The following DNAI1 variants were observed in gnomAD, a reference collection of about 807,000 sequenced individuals.
The protein encoded by DNAI1 is dynein axonemal intermediate chain 1.
DNAI1 carries 67 observed loss-of-function variants against 92.0 expected under a neutral mutation model. The ratio of observed to expected loss-of-function variants is 0.73; its 90% CI spans 0.60 to 0.89. The LOEUF is 0.89. DNAI1 is among the 40% of genes least tolerant of loss of function. The pLI, the probability that DNAI1 is intolerant of heterozygous loss-of-function variation, is 0.00. For synonymous variants in DNAI1, 323 were observed against 319.6 expected, an observed-to-expected ratio of 1.01 and a Z score of -0.11; for missense variants, 839 against 866.6, an observed-to-expected ratio of 0.97 and a Z score of 0.40.
chr9:34,468,187 C>CT lies in DNAI1; in HGVS notation c.48+9146dup, dbSNP rs35471260. The stretch of plus-strand genomic sequence containing the variant: ...ATCTGAAGAACAGAGAGGAAGAAGG[C>CT]TTTTTTTTTTTTGAGATGGCGTCTC... On this transcript the variant is annotated intron_variant, in intron 1 of 19. Coordinates refer to ENST00000242317, the MANE Select transcript of DNAI1 (RefSeq NM_012144.4). Among the ~76,000 whole-genome samples the CT allele has an allele frequency of 1.3e-3, 184 of 144,562 alleles. 1 individual carries two copies. Among genetic ancestry groups the CT allele is most frequent in the Middle Eastern group, 7.0e-3 (2 of 284 alleles). 94.8% of individuals were successfully genotyped at this position (144,562 alleles called of 152,430 possible).
At chr9:34,493,168 A>T in intron 8 of DNAI1, 26 bp from the exon 9 acceptor site, 1 of 1,614,154 alleles carries the variant, frequency 6.2e-7, no homozygotes, top group Non-Finnish European at 8.5e-7. Context: ...CCTTACAATG[A>T]TCCTTCTTAT....
At position 34,460,931 on chromosome 9, in the gene DNAI1, C is replaced by G. The variant is rs1823941029; in HGVS notation, c.48+1878C>G. 2.0e-5 allele frequency among the ~76,000 whole-genome samples: 3 copies of G among 152,118 alleles called. No homozygotes were observed. The South Asian group carries it at 6.2e-4, about 32-fold the overall frequency. On this transcript the variant is annotated intron_variant, in intron 1 of 19. Transcript: ENST00000242317. ...TCTTGGCTCACTGCAAGCTCCGCCT[C>G]CTGGGTTCACGTCATTCTCCTGCCT...
intron 4 of DNAI1, among the ~76,000 whole-genome samples, chr9:34,485,803 T>G (rs1340607968): frequency 6.6e-6 from 1 of 152,224 alleles, no homozygotes; most frequent in Admixed American, 6.5e-5. Context: ...TTTTCTGATA[T>G]ATGTAACACA....
intron 2 of DNAI1, 156 bp from the exon 3 acceptor site, chr9:34,484,986 T>G: frequency 1.4e-6 from 1 of 730,324 alleles, no homozygotes; most frequent in African/African-American, 1.7e-5. Context: ...GAGCAGTTCT[T>G]TTGGACTCTT....
Position 34,510,957 on chromosome 9 carries a change from C to T in DNAI1, c.1312-1152C>T, listed in dbSNP as rs902492991. Among the ~76,000 whole-genome samples, 4 of 152,234 alleles carry T rather than the reference C, an allele frequency of 2.6e-5. No homozygotes were observed. The East Asian group carries it at 7.7e-4, about 29-fold the overall frequency. ...GACTCAGCCCGCCCTCCTGAAGCTC[C>T]GATCCACCAGGCCTCAGGCTGGCTG... On this transcript the variant is annotated intron_variant, in intron 13 of 19. Coordinates refer to ENST00000242317, the MANE Select transcript of DNAI1 (RefSeq NM_012144.4).
intron 1 of DNAI1, among the ~76,000 whole-genome samples, chr9:34,475,072 T>G (rs925059891): frequency 6.6e-6 from 1 of 152,246 alleles, no homozygotes; most frequent in South Asian, 2.1e-4. Context: ...TAAACACTTA[T>G]TGAGTGCCTT....
chr9:34,518,595 AAGG>A (rs1449543534), intron 19 of DNAI1, among the ~76,000 whole-genome samples: 3 of 152,240 alleles, frequency 2.0e-5, no homozygotes, highest in Non-Finnish European at 4.4e-5. Flanking sequence ...AGTTGGCCTC[AAGG>A]AGGAGGAAGG....
rs1554688186 is a variant in DNAI1, at chr9:34,492,493, G to GATAGATAT, written c.682-698_682-697insGATATATA. Among the ~76,000 whole-genome samples, 198 of 68,252 alleles carry GATAGATAT rather than the reference G, an allele frequency of 2.9e-3. 11 individuals carry two copies. The highest frequency in any genetic ancestry group is 8.8e-3 in the Middle Eastern group (1 of 114). 44.8% of individuals were successfully genotyped at this position (68,252 alleles called of 152,430 possible). A position where few individuals can be genotyped will look rare whatever the true frequency, so the allele number is the denominator to read the frequency against. ...TCCGGGGTGGGGGTGGGGATATGAA[G>GATAGATAT]ATATATATATATATATATATATATA... On this transcript the variant is annotated intron_variant, in intron 8 of 19. Coordinates refer to ENST00000242317, the MANE Select transcript of DNAI1 (RefSeq NM_012144.4).
intron 19 of DNAI1, among the ~76,000 whole-genome samples, 158 bp downstream of exon 19, chr9:34,517,625 G>A (rs948873157): frequency 2.0e-5 from 3 of 152,228 alleles, no homozygotes; most frequent in Non-Finnish European, 4.4e-5. Context: ...AGTAGAAGCA[G>A]GTTTGTGAGA....
At chr9:34,470,234 T>C (rs1824112576) in intron 1 of DNAI1, among the ~76,000 whole-genome samples, 1 of 151,560 alleles carries the variant, frequency 6.6e-6, no homozygotes, top group Non-Finnish European at 1.5e-5. Flanking sequence ...AGGCAGAAGA[T>C]GAACAGAGAA....
chr9:34,520,460 CT>C (rs1425816308), intron 19 of DNAI1, among the ~76,000 whole-genome samples, 197 bp from the exon 20 acceptor site: 1 of 152,166 alleles, frequency 6.6e-6, no homozygotes, highest in Non-Finnish European at 1.5e-5. Context: ...TTTTTGCAAG[CT>C]GTCAGCTGAG....
At chr9:34,491,362 C>A in intron 7 of DNAI1, 133 bp from the exon 8 acceptor site, 1 of 888,480 alleles carries the variant, frequency 1.1e-6, no homozygotes, top group Non-Finnish European at 1.9e-6. Flanking sequence ...CCAAGCCCCT[C>A]TTTACTTCCC....
chr9:34,482,702 C>G (rs946250739), intron 1 of DNAI1, among the ~76,000 whole-genome samples: 1 of 152,286 alleles, frequency 6.6e-6, no homozygotes, highest in Non-Finnish European at 1.5e-5. Context: ...CTGGCTTCAC[C>G]TAGTGGATCC....
At chr9:34,509,931 C>T (rs1439230467) in intron 13 of DNAI1, among the ~76,000 whole-genome samples, 1 of 149,038 alleles carries the variant, frequency 6.7e-6, no homozygotes, top group Non-Finnish European at 1.5e-5. Context: ...AAAAGAAAAA[C>T]AGGTTTGGCC....
intron 12 of DNAI1, among the ~76,000 whole-genome samples, chr9:34,503,027 A>G (rs1824864120): frequency 6.6e-6 from 1 of 152,132 alleles, no homozygotes; most frequent in African/African-American, 2.4e-5. Context: ...TTCCTGCAGT[A>G]CCCTCAGGGA....
intron 18 of DNAI1, among the ~76,000 whole-genome samples, chr9:34,516,771 T>C: frequency 6.8e-6 from 1 of 146,882 alleles, no homozygotes. Flanking sequence ...AGACAAGATC[T>C]CACTCTTGCC....
chr9:34,482,946 C>T (rs1824396734), intron 1 of DNAI1, among the ~76,000 whole-genome samples: 1 of 152,214 alleles, frequency 6.6e-6, no homozygotes, highest in Admixed American at 6.5e-5. Flanking sequence ...AAATCGAGCG[C>T]AGTGCTGGTG....
At chr9:34,514,606 T>G (rs746522901) in intron 17 of DNAI1, 34 bp from the exon 18 acceptor site, 2 of 1,614,038 alleles carry the variant, frequency 1.2e-6, no homozygotes, top group East Asian at 4.5e-5. Context: ...GTGAGCCCTC[T>G]GTGCCATGGG....
At chr9:34,513,308 G>A (rs1255185316) in intron 16 of DNAI1, 117 bp downstream of exon 16, 3 of 811,648 alleles carry the variant, frequency 3.7e-6, no homozygotes, top group Non-Finnish European at 6.5e-6. Flanking sequence ...GTTCTAGAAG[G>A]CCTCTTGAGG....
Sources: gnomAD v4.1 joint callset for allele counts (sites outside exome capture counted in the v4.1 genomes callset) on GRCh38, gnomAD v4.1.1 for gene constraint, MANE v1.5 for transcripts, NCBI Gene and HGNC (gene_info 2026-07-23, HGNC 2026-07-21) for gene names.